Variants in PTPRK observed in about 807,000 individuals in gnomAD.
PTPRK encodes the protein protein tyrosine phosphatase receptor type K.
In PTPRK, 75 loss-of-function variants were observed where a neutral mutation model predicts 178.0. The observed-to-expected ratio is 0.42, with a 90% CI of 0.35 to 0.51. PTPRK has a LOEUF of 0.51. Ranked by LOEUF, PTPRK falls within the 20% of genes least tolerant of loss-of-function variation. The pLI, the probability that PTPRK is intolerant of heterozygous loss-of-function variation, is 0.02. For synonymous variants in PTPRK, 637 were observed against 620.6 expected (o/e 1.03, Z -0.39); for missense variants, 1,441 against 1,797.8 (o/e 0.80, Z 3.59).
chr6:128,242,596 A>G lies in PTPRK; in HGVS notation c.502T>C (p.Phe168Leu), dbSNP rs1175660944. 1.5e-5 allele frequency: 24 copies of G among 1,612,228 alleles called. No individual in the cohort carries two copies. Among genetic ancestry groups the G allele is most frequent in the Non-Finnish European group, 1.9e-5 (22 of 1,179,388 alleles). Residue 168 changes from phenylalanine to leucine, a missense_variant, in exon 4 of 30, where the codon TTT becomes CTT. Physicochemically the swap from Phe to Leu is conservative, Grantham distance 22. Transcript: ENST00000368226. ...TFWPNEYQVI[F>L]EAEVSGGRSG... is the part of the protein sequence containing the mutation. ...CTCCCTCCTGAGACTTCAGCTTCAA[A>G]TATTACCTGTCAAAAAGAAACAGAA...
intron 2 of PTPRK, among the ~76,000 whole-genome samples, chr6:128,348,094 C>T (rs1369725052): frequency 1.3e-5 from 2 of 151,978 alleles, no homozygotes; most frequent in African/African-American, 2.4e-5. Flanking sequence ...TTATAAAAAG[C>T]TGTGGAGAAT....
At chr6:128,097,449 T>C (rs1788099989) in intron 7 of PTPRK, among the ~76,000 whole-genome samples, 1 of 152,142 alleles carries the variant, frequency 6.6e-6, no homozygotes, top group South Asian at 2.1e-4. Flanking sequence ...GCCAAGGAAA[T>C]TGTTTGATTT....
intron 12 of PTPRK, among the ~76,000 whole-genome samples, chr6:128,065,976 T>C (rs969101048): frequency 5.9e-5 from 9 of 152,072 alleles, no homozygotes; most frequent in Middle Eastern, 3.2e-3. Flanking sequence ...ACAGTGCAGA[T>C]ATATTAACAA....
intron 1 of PTPRK, among the ~76,000 whole-genome samples, chr6:128,512,388 T>C (rs1857323329): frequency 6.6e-6 from 1 of 152,178 alleles, no homozygotes; most frequent in East Asian, 1.9e-4. Context: ...CTGTAATGGG[T>C]GAACATTAAT....
chr6:128,292,101 C>A (rs946678536), intron 3 of PTPRK, among the ~76,000 whole-genome samples: 4 of 151,946 alleles, frequency 2.6e-5, no homozygotes, highest in African/African-American at 9.7e-5. Flanking sequence ...TTAAATAAAT[C>A]CGTAGGTATC....
chr6:128,310,426 T>C (rs77095837), intron 3 of PTPRK, among the ~76,000 whole-genome samples: 1,548 of 152,250 alleles, frequency 0.01, 27 homozygotes, highest in African/African-American at 0.035. Context: ...TATCCTTTGC[T>C]GGATGTTTTT....
At chr6:128,101,238 C>T (rs1788721595) in intron 7 of PTPRK, among the ~76,000 whole-genome samples, 1 of 151,996 alleles carries the variant, frequency 6.6e-6, no homozygotes, top group Non-Finnish European at 1.5e-5. Flanking sequence ...TCTAAATTAC[C>T]AGTTCCAACC....
chr6:128,089,809 G>C lies in PTPRK; in HGVS notation c.1346C>G (p.Ala449Gly). Residue 449 changes from alanine (A) to glycine (G), a missense_variant, in exon 8 of 30, where the codon GCC becomes GGC. Ala to Gly is a moderately conservative substitution (Grantham distance 60, BLOSUM62 0). This residue lies in a region of PTPRK where 945 missense variants were observed against 1,080.6 expected (regional missense o/e 0.87). Transcript: ENST00000368226. ...CAGATGGTTCACAACATGCTGAGGGGCTTTGGGGTCCATGTCCAAACAGTC... is the reference window on the plus strand; with the variant it reads ...CAGATGGTTCACAACATGCTGAGGGCCTTTGGGGTCCATGTCCAAACAGTC... Reference protein sequence around the residue: ...KADCLDMDPKAPQHVVNHLPP... With the variant: ...KADCLDMDPKGPQHVVNHLPP... 1 of 1,613,924 alleles carries C rather than the reference G, an allele frequency of 6.2e-7. No homozygotes were observed. The highest frequency in any genetic ancestry group is 8.5e-7 in the Non-Finnish European group (1 of 1,179,828).
Position 128,141,161 on chromosome 6 carries a change from T to A in PTPRK, c.1162+43271A>T, listed in dbSNP as rs1287571175. Among the ~76,000 whole-genome samples the A allele has an allele frequency of 3.3e-5, 5 of 152,064 alleles. No individual in the cohort carries two copies. The East Asian group carries it at 9.6e-4, about 29-fold the overall frequency. On this transcript the variant is annotated intron_variant, in intron 7 of 29. Transcript: ENST00000368226. Reference sequence around the variant, plus strand: ...AAGATCTGGATTATTTTATTTTGCTTGATATTTTATTAAATAGTGTTCAAA... The same window carrying A: ...AAGATCTGGATTATTTTATTTTGCTAGATATTTTATTAAATAGTGTTCAAA...
intron 5 of PTPRK, among the ~76,000 whole-genome samples, chr6:128,231,524 A>C (rs1370038575): frequency 6.6e-6 from 1 of 152,204 alleles, no homozygotes; most frequent in Non-Finnish European, 1.5e-5. Context: ...GAAGTTACAG[A>C]AGCAGCCAAG....
At chr6:128,216,913 T>A (rs1156988278) in intron 6 of PTPRK, among the ~76,000 whole-genome samples, 1 of 152,204 alleles carries the variant, frequency 6.6e-6, no homozygotes, top group African/African-American at 2.4e-5. Flanking sequence ...TAGATAACTA[T>A]ATAGAACATA....
At chr6:128,155,267 C>G (rs1367951955) in intron 7 of PTPRK, among the ~76,000 whole-genome samples, 1 of 151,620 alleles carries the variant, frequency 6.6e-6, no homozygotes, top group Non-Finnish European at 1.5e-5. Flanking sequence ...TATTAGGAGG[C>G]TCAGAATATT....
At chr6:128,433,330 A>G (rs1396285109) in intron 1 of PTPRK, among the ~76,000 whole-genome samples, 2 of 152,078 alleles carry the variant, frequency 1.3e-5, no homozygotes, top group East Asian at 1.9e-4. Flanking sequence ...CTCTACTTCC[A>G]TGAGATCAAC....
intron 1 of PTPRK, among the ~76,000 whole-genome samples, chr6:128,447,822 C>G (rs1280005953): frequency 6.6e-6 from 1 of 151,976 alleles, no homozygotes; most frequent in African/African-American, 2.4e-5. Flanking sequence ...TGGGGTTTCA[C>G]CATATTGGTC....
At chr6:128,466,202 C>CT (rs1849825035) in intron 1 of PTPRK, among the ~76,000 whole-genome samples, 1 of 152,178 alleles carries the variant, frequency 6.6e-6, no homozygotes, top group South Asian at 2.1e-4. Flanking sequence ...TTGGCTGAAT[C>CT]TGTCTTCATA....
intron 13 of PTPRK, among the ~76,000 whole-genome samples, chr6:128,051,078 G>A (rs1778927148): frequency 6.6e-6 from 1 of 151,978 alleles, no homozygotes; most frequent in Admixed American, 6.6e-5. Context: ...AATTTTTTCT[G>A]TTGGTGTCAC....
At position 128,505,038 on chromosome 6, in the gene PTPRK, GCTC is replaced by G. The variant is rs577836430; in HGVS notation, c.100+15218_100+15220del. On this transcript the variant is annotated intron_variant, in intron 1 of 29. Transcript: ENST00000368226. ...ATAGAAGTTTTGAAGTTTTGTTAATGCTCCTTTTATTGAGACTGAATCTGGTCA... is the reference window on the plus strand; with the variant it reads ...ATAGAAGTTTTGAAGTTTTGTTAATGCTTTTATTGAGACTGAATCTGGTCA... Among the ~76,000 whole-genome samples the G allele has an allele frequency of 3.6e-3, 543 of 151,386 alleles. 5 individuals carry two copies. The highest frequency in any genetic ancestry group is 0.013 in the African/African-American group (517 of 41,300).
chr6:128,212,486 G>A (rs1401876353), intron 6 of PTPRK, among the ~76,000 whole-genome samples: 1 of 152,018 alleles, frequency 6.6e-6, no homozygotes, highest in Non-Finnish European at 1.5e-5. Context: ...GTAGATAGGA[G>A]TCCCTTGGTA....
intron 13 of PTPRK, among the ~76,000 whole-genome samples, chr6:128,044,826 T>C (rs1333526960): frequency 2.0e-5 from 3 of 152,054 alleles, no homozygotes; most frequent in East Asian, 1.9e-4. Context: ...TTAATTTGTA[T>C]ATATGTGTGT....
Sources: gnomAD v4.1 joint callset for allele counts (sites outside exome capture counted in the v4.1 genomes callset) on GRCh38, gnomAD v4.1.1 for gene constraint, gnomAD v4.1.1 regional missense constraint, MANE v1.5 for transcripts, NCBI Gene and HGNC (gene_info 2026-07-23, HGNC 2026-07-21) for gene names.